PRIM2: variants seen among roughly 807,000 people sequenced by gnomAD.
The protein encoded by PRIM2 is DNA primase subunit 2.
Under a neutral mutation model 67.3 loss-of-function variants are expected in PRIM2, and 39 were observed. The ratio of observed to expected loss-of-function variants is 0.58; its 90% confidence interval spans 0.45 to 0.76. PRIM2 has a LOEUF of 0.76. Among genes scored for constraint, PRIM2 ranks in the 30% least tolerant of loss-of-function variants. PRIM2 has a pLI of 0.00. For synonymous variants in PRIM2, 143 were observed against 198.7 expected (o/e 0.72, Z 2.36); for missense variants, 398 against 598.7 (o/e 0.66, Z 3.50).
At chr6:57,429,616 G>A (rs1297547332) in intron 7 of PRIM2, among the ~76,000 whole-genome samples, 2 of 152,194 alleles carry the variant, frequency 1.3e-5, no homozygotes, top group African/African-American at 2.4e-5. Flanking sequence ...TTTGGAGATA[G>A]GGCCTTTAAA....
the PRIM2 span, among the ~76,000 whole-genome samples, chr6:57,296,109 C>A: frequency 6.6e-6 from 1 of 152,100 alleles, no homozygotes; most frequent in Non-Finnish European, 1.5e-5. Context: ...GAATGAATAA[C>A]AACCGCACTG....
At chr6:57,475,109 A>T (rs1358663531) in intron 7 of PRIM2, among the ~76,000 whole-genome samples, 2 of 152,162 alleles carry the variant, frequency 1.3e-5, no homozygotes, top group African/African-American at 4.8e-5. Flanking sequence ...GAGAACAATT[A>T]ATATGTTTCC....
the PRIM2 span, among the ~76,000 whole-genome samples, chr6:57,277,430 A>G: frequency 6.6e-6 from 1 of 152,146 alleles, no homozygotes; most frequent in African/African-American, 2.4e-5. Context: ...AACACTTCAT[A>G]TATGTCAAAT....
intron 10 of PRIM2, among the ~76,000 whole-genome samples, chr6:57,540,913 A>G (rs1734925415): frequency 6.6e-6 from 1 of 152,228 alleles, no homozygotes; most frequent in African/African-American, 2.4e-5. Context: ...TCTCAGCGTA[A>G]GCAGCTTGCA....
At chr6:57,365,389 T>G (rs1041306647) in intron 5 of PRIM2, among the ~76,000 whole-genome samples, 1 of 151,258 alleles carries the variant, frequency 6.6e-6, no homozygotes, top group African/African-American at 2.4e-5. Flanking sequence ...GTCTAGCAAC[T>G]TCTTAACTGT....
chr6:57,274,593 C>T, the PRIM2 span, among the ~76,000 whole-genome samples: 8 of 152,226 alleles, frequency 5.3e-5, no homozygotes, highest in African/African-American at 9.6e-5. Flanking sequence ...TGCGAAGCCT[C>T]GCCCTGCTTT....
intron 10 of PRIM2, among the ~76,000 whole-genome samples, chr6:57,595,971 G>T (rs1776358449): frequency 6.6e-6 from 1 of 151,866 alleles, no homozygotes. Context: ...CTGGTGACCA[G>T]CCCCCATCTA....
At position 57,588,314 on chromosome 6, in the gene PRIM2, C is replaced by A. The variant is rs1486318773; in HGVS notation, c.1021-12779C>A. Among the ~76,000 whole-genome samples, 197 of 152,152 alleles carry A rather than the reference C, an allele frequency of 1.3e-3. 5 individuals carry two copies. In the East Asian group the frequency reaches 0.018, roughly 14 times the overall value. ...GATGAGCTGGGGGCAAAGCATCAAACCCCACCACTGGTAAAGTTTGGTGAC... is the reference window on the plus strand; with the variant it reads ...GATGAGCTGGGGGCAAAGCATCAAAACCCACCACTGGTAAAGTTTGGTGAC... On this transcript the variant is annotated intron_variant, in intron 10 of 13. Transcript: ENST00000615550.
chr6:57,293,986 TA>T, the PRIM2 span, among the ~76,000 whole-genome samples: 3 of 152,122 alleles, frequency 2.0e-5, no homozygotes, highest in Non-Finnish European at 4.4e-5. Flanking sequence ...AGAAAAAAGG[TA>T]TTCCTTGCAA....
chr6:57,584,099 C>G (rs1339216633), intron 10 of PRIM2, among the ~76,000 whole-genome samples: 4 of 152,094 alleles, frequency 2.6e-5, no homozygotes, highest in African/African-American at 7.2e-5. Context: ...TGCATTTGTA[C>G]TCAATTCCCC....
At chr6:57,237,641 C>T in the PRIM2 span, among the ~76,000 whole-genome samples, 1 of 152,118 alleles carries the variant, frequency 6.6e-6, no homozygotes, top group Non-Finnish European at 1.5e-5. Context: ...TATGGCTAGC[C>T]AGTTTTCCCA....
the PRIM2 span, among the ~76,000 whole-genome samples, chr6:57,292,118 T>C: frequency 6.6e-6 from 1 of 152,120 alleles, no homozygotes; most frequent in Non-Finnish European, 1.5e-5. Context: ...GCCCCAAATC[T>C]CCTTAAGCTG....
intron 7 of PRIM2, among the ~76,000 whole-genome samples, chr6:57,471,989 T>G (rs1325249872): frequency 6.6e-6 from 1 of 152,212 alleles, no homozygotes; most frequent in African/African-American, 2.4e-5. Flanking sequence ...ATACGCGGTT[T>G]TTTTTTGAGA....
the PRIM2 span, among the ~76,000 whole-genome samples, chr6:57,242,178 A>C: frequency 6.6e-6 from 1 of 152,336 alleles, no homozygotes; most frequent in Admixed American, 6.5e-5. Flanking sequence ...ACAGCTTGGC[A>C]TACAGTAAAT....
intron 7 of PRIM2, among the ~76,000 whole-genome samples, chr6:57,415,935 A>G (rs1295502624): frequency 6.6e-6 from 1 of 152,152 alleles, no homozygotes; most frequent in Non-Finnish European, 1.5e-5. Flanking sequence ...AACTTCCTCC[A>G]TTGAAGACTT....
chr6:57,369,087 T>G (rs1769462293), intron 5 of PRIM2, among the ~76,000 whole-genome samples: 2 of 152,190 alleles, frequency 1.3e-5, no homozygotes, highest in African/African-American at 4.8e-5. Context: ...TACACTTTAG[T>G]TCAGCAGGTA....
chr6:57,465,841 T>G (rs1442800634), intron 7 of PRIM2, among the ~76,000 whole-genome samples: 1 of 138,328 alleles, frequency 7.2e-6, no homozygotes, highest in Non-Finnish European at 1.5e-5. Flanking sequence ...ATAATTATAC[T>G]TATAAGTTCT....
intron 12 of PRIM2, among the ~76,000 whole-genome samples, chr6:57,622,620 T>A (rs1215615928): frequency 5.7e-4 from 87 of 152,340 alleles, no homozygotes; most frequent in African/African-American, 2.0e-3. Flanking sequence ...GTTTTTTTAA[T>A]AGAGGAAGGA....
intron 10 of PRIM2, among the ~76,000 whole-genome samples, chr6:57,571,520 G>A (rs1292239820): frequency 5.3e-5 from 8 of 152,000 alleles, no homozygotes; most frequent in South Asian, 2.1e-4. Context: ...GCATGGTGGC[G>A]TGGCCTGTAA....
Sources: allele counts gnomAD v4.1 joint callset (sites outside exome capture counted in the v4.1 genomes callset), GRCh38; gene constraint gnomAD v4.1.1; transcripts MANE v1.5; gene names NCBI Gene and HGNC (gene_info 2026-07-23, HGNC 2026-07-21).